The following TRIM35 variants were observed in gnomAD, a reference collection of about 807,000 sequenced individuals.
TRIM35 encodes tripartite motif containing 35.
TRIM35 carries 37 observed loss-of-function variants against 49.1 expected under a neutral mutation model. That is an observed-to-expected ratio of 0.75 (90% confidence interval 0.58 to 0.99). TRIM35 has a LOEUF of 0.99. Among genes scored for constraint, TRIM35 ranks in the 50% least tolerant of loss-of-function variants. The pLI is 0.00. For missense variants in TRIM35, 648 were observed against 702.7 expected, an observed-to-expected ratio of 0.92 and a Z score of 0.88; for synonymous variants, 302 against 289.3, an observed-to-expected ratio of 1.04 and a Z score of -0.45.
chr8:27,307,216 G>A (rs1802804428), intron 1 of TRIM35, among the ~76,000 whole-genome samples: 4 of 152,146 alleles, frequency 2.6e-5, no homozygotes, highest in South Asian at 2.1e-4. Flanking sequence ...CTGCACCTAC[G>A]ATAAAAATCC....
chr8:27,287,461 C>A lies in TRIM35; in HGVS notation c.*89G>T. 2 of 1,355,052 alleles carry A rather than the reference C, an allele frequency of 1.5e-6. No individual in the cohort carries two copies. Among genetic ancestry groups the A allele is most frequent in the South Asian group, 3.0e-5 (2 of 66,922 alleles). 83.9% of individuals were successfully genotyped at this position (1,355,052 alleles called of 1,614,324 possible). On this transcript the variant is annotated 3_prime_UTR_variant, in exon 6 of 6. Coordinates refer to ENST00000305364, the MANE Select transcript of TRIM35 (RefSeq NM_171982.5). This position sits in a 1 kb window ranked among gnomAD's most constrained non-coding sequence, Gnocchi z 6.0. ...GAAGAGCCTGGCAAGGAGGCAGGGG[C>A]GCAATAGTGCCCAAGCAGTGTGGGC...
chr8:27,307,186 A>C (rs1715795488), intron 1 of TRIM35, among the ~76,000 whole-genome samples: 1 of 152,072 alleles, frequency 6.6e-6, no homozygotes, highest in Admixed American at 6.6e-5. Context: ...AAATCTCATC[A>C]GTCCTTCCAT....
At chr8:27,297,213 C>T (rs528732966) in intron 2 of TRIM35, among the ~76,000 whole-genome samples, 5 of 152,336 alleles carry the variant, frequency 3.3e-5, no homozygotes, top group Middle Eastern at 3.4e-3. Flanking sequence ...CACCTATGGA[C>T]ACATGGTGGA....
rs1161468550 is a variant in TRIM35, at chr8:27,285,250, T to C, written c.*2300A>G. 2 of 152,216 alleles carry C rather than the reference T, an allele frequency of 1.3e-5. No individual in the cohort carries two copies. Among genetic ancestry groups the C allele is most frequent in the Non-Finnish European group, 2.9e-5 (2 of 68,046 alleles). 9.4% of individuals were successfully genotyped at this position (152,216 alleles called of 1,614,324 possible). ...GGATGTGGAGTCATCAGAACCCTCATGCCCTGTTGATGGGATATAAAATTG... is the reference window on the plus strand; with the variant it reads ...GGATGTGGAGTCATCAGAACCCTCACGCCCTGTTGATGGGATATAAAATTG... On this transcript the variant is annotated 3_prime_UTR_variant, in exon 6 of 6. Transcript: ENST00000305364.
At chr8:27,298,696 C>T in intron 1 of TRIM35, 137 bp from the exon 2 acceptor site, 2 of 701,392 alleles carry the variant, frequency 2.9e-6, no homozygotes, top group South Asian at 1.7e-5. Context: ...TAACCCCATC[C>T]ATGCCAAGTG....
Position 27,311,200 on chromosome 8 carries a change from G to A in TRIM35, c.36C>T (p.Ser12=). The change falls in exon 1 of 6, where the codon TCC becomes TCT. Residue 12 remains serine (S), a synonymous_variant. Transcript: ENST00000305364. ...ERSPDVSPGP[S]RSFKEELLCA... is the part of the protein sequence containing the mutation. ...AGAGCAACTCCTCCTTGAAGGAGCG[G>A]GAAGGCCCGGGGGACACGTCGGGAC... The A allele has an allele frequency of 3.1e-6, 5 of 1,595,346 alleles. No homozygotes were observed. The highest frequency in any genetic ancestry group is 3.4e-6 in the Non-Finnish European group (4 of 1,169,764).
Position 27,289,152 on chromosome 8 carries a change from C to T in TRIM35, c.904+10G>A. The T allele has an allele frequency of 6.2e-7, 1 of 1,611,604 alleles. No individual in the cohort carries two copies. The highest frequency in any genetic ancestry group is 8.5e-7 in the Non-Finnish European group (1 of 1,178,086). On this transcript the variant is annotated intron_variant, in intron 5 of 5. Transcript: ENST00000305364. ...CCATGCTTGGGACACCTGCCGGCACCCCCGCTCACCAGATTCCACAGATGC... is the reference window on the plus strand; with the variant it reads ...CCATGCTTGGGACACCTGCCGGCACTCCCGCTCACCAGATTCCACAGATGC...
intron 1 of TRIM35, chr8:27,304,955 G>C (rs892790022): frequency 2.7e-6 from 1 of 371,502 alleles, no homozygotes; most frequent in African/African-American, 2.1e-5. Context: ...GCAGCCAAGA[G>C]TTCTGGCACC....
At chr8:27,292,580 T>A (rs1350001460) in intron 3 of TRIM35, among the ~76,000 whole-genome samples, 1 of 152,248 alleles carries the variant, frequency 6.6e-6, no homozygotes, top group Non-Finnish European at 1.5e-5. Context: ...GCATTTGAAA[T>A]GTCTACAACA....
chr8:27,295,077 G>A (rs1288495296), intron 2 of TRIM35, among the ~76,000 whole-genome samples: 1 of 152,184 alleles, frequency 6.6e-6, no homozygotes, highest in Non-Finnish European at 1.5e-5. Flanking sequence ...GCCCGCCTCG[G>A]CCTCCCAAAG....
chr8:27,289,378 C>G, intron 4 of TRIM35, 98 bp from the exon 5 acceptor site: 1 of 980,958 alleles, frequency 1.0e-6, no homozygotes, highest in Non-Finnish European at 1.6e-6. Flanking sequence ...TGTTCCCTTC[C>G]CTCAGGCCCA....
rs147372571 is a variant in TRIM35 at position 27,287,666 on chromosome 8, G to A, written c.1366C>T (p.Arg456Cys). 3.6e-3 allele frequency: 5,779 copies of A among 1,609,902 alleles called. 24 individuals carry two copies. Among genetic ancestry groups the A allele is most frequent in the Non-Finnish European group, 3.4e-3 (4,043 of 1,178,344 alleles). Residue 456 changes from arginine (R) to cysteine (C), a missense_variant, in exon 6 of 6, where the codon CGC becomes TGC. Arg to Cys is a radical substitution (Grantham distance 180). Transcript: ENST00000305364. The surrounding 1 kb of genome is among the most constrained non-coding windows in gnomAD (Gnocchi z 6.0). Reference protein sequence around the residue: ...RHCHLYTFHARFGEVRPYFYL... With the variant: ...RHCHLYTFHACFGEVRPYFYL... Reference sequence around the variant, plus strand: ...AAGTAGGGGCGAACCTCCCCAAAGCGGGCGTGGAAGGTGTACAGGTGGCAG... The same window carrying A: ...AAGTAGGGGCGAACCTCCCCAAAGCAGGCGTGGAAGGTGTACAGGTGGCAG...
In TRIM35 at chr8:27,311,020, G is replaced by T; in HGVS notation, c.216C>A (p.Asn72Lys). The T allele has an allele frequency of 6.2e-7, 1 of 1,609,828 alleles. No homozygotes were observed. Among genetic ancestry groups the T allele is most frequent in the Non-Finnish European group, 8.5e-7 (1 of 1,178,376 alleles). ...TCTCCACCAGGTTGTTGAGGGTGTG[G>T]TTGGTGCGCAGGTCGGCGGGTGACG... ...DRASPADLRT[N>K]HTLNNLVEKL... is the part of the protein sequence containing the mutation. Residue 72 changes from asparagine (N) to lysine (K), a missense_variant, in exon 1 of 6, where the codon AAC becomes AAA. Transcript: ENST00000305364.
At position 27,284,962 on chromosome 8, in the gene TRIM35, C is replaced by T. The variant is rs758908513; in HGVS notation, c.*2588G>A. The T allele has an allele frequency of 4.6e-5, 7 of 152,150 alleles. No individual in the cohort carries two copies. The highest frequency in any genetic ancestry group is 1.7e-4 in the African/African-American group (7 of 41,428). The allele number at this position is 152,150 out of a possible 1,614,324, so 9.4% of individuals were successfully genotyped here. On this transcript the variant is annotated 3_prime_UTR_variant, in exon 6 of 6. Coordinates refer to ENST00000305364, the MANE Select transcript of TRIM35 (RefSeq NM_171982.5). ...AGCTCACGGAGAAAAATTTTATAATCATATACCAGTTAAAGGGACTTGTGC... is the reference window on the plus strand; with the variant it reads ...AGCTCACGGAGAAAAATTTTATAATTATATACCAGTTAAAGGGACTTGTGC...
chr8:27,293,968 G>T, intron 3 of TRIM35, 112 bp downstream of exon 3: 1 of 1,030,672 alleles, frequency 9.7e-7, no homozygotes, highest in Non-Finnish European at 1.4e-6. Context: ...CTCCAGGCCA[G>T]TACCCAGGAA....
chr8:27,311,026 G>A lies in TRIM35; in HGVS notation c.210C>T (p.Arg70=), dbSNP rs1273547264. 7.5e-6 allele frequency: 12 copies of A among 1,606,958 alleles called. No individual in the cohort carries two copies. Among genetic ancestry groups the A allele is most frequent in the Non-Finnish European group, 1.0e-5 (12 of 1,177,150 alleles). ...CKDRASPADL[R]TNHTLNNLVE... ...CCAGGTTGTTGAGGGTGTGGTTGGT[G>A]CGCAGGTCGGCGGGTGACGCGCGGT... Residue 70 remains arginine (R), a synonymous_variant, in exon 1 of 6, where the codon CGC becomes CGT. Transcript: ENST00000305364.
At chr8:27,293,560 G>A (rs1390821204) in intron 3 of TRIM35, among the ~76,000 whole-genome samples, 3 of 152,040 alleles carry the variant, frequency 2.0e-5, no homozygotes, top group Admixed American at 2.0e-4. Context: ...GAAGAGACAG[G>A]AGCTGGGCAC....
rs1802324125 is a variant in TRIM35 at position 27,286,553 on chromosome 8, G to A, written c.*997C>T. ...CATTTCCTGGTGGGGAAACAGGCCTGGCAAGGAAATAGGCCGAAATCACGA... is the reference window on the plus strand; with the variant it reads ...CATTTCCTGGTGGGGAAACAGGCCTAGCAAGGAAATAGGCCGAAATCACGA... On this transcript the variant is annotated 3_prime_UTR_variant, in exon 6 of 6. Coordinates refer to ENST00000305364, the MANE Select transcript of TRIM35 (RefSeq NM_171982.5). 1 of 200,930 alleles carries A rather than the reference G, an allele frequency of 5.0e-6. No individual in the cohort carries two copies. Among genetic ancestry groups the A allele is most frequent in the Admixed American group, 5.5e-5 (1 of 18,218 alleles). The allele number at this position is 200,930 out of a possible 1,614,324, so 12.4% of individuals were successfully genotyped here.
chr8:27,287,854 C>G lies in TRIM35; in HGVS notation c.1178G>C (p.Arg393Pro), dbSNP rs777582053. 1 of 1,612,864 alleles carries G rather than the reference C, an allele frequency of 6.2e-7. No individual in the cohort carries two copies. Among genetic ancestry groups the G allele is most frequent in the African/African-American group, 1.3e-5 (1 of 74,912 alleles). ...GCGGCAGACATACCAGAAGCCCGAG[C>G]GTGTGTCGTGGTAGCAGCTGTGTGA... Reference protein sequence around the residue: ...GHSHSCYHDTRSGFWYVCRTQ... With the variant: ...GHSHSCYHDTPSGFWYVCRTQ... The change falls in exon 6 of 6, where the codon CGC becomes CCC. Residue 393 changes from arginine to proline, a missense_variant. Physicochemically the swap from Arg to Pro is moderately radical, Grantham distance 103. Coordinates refer to ENST00000305364, the MANE Select transcript of TRIM35 (RefSeq NM_171982.5). The surrounding 1 kb of genome is among the most constrained non-coding windows in gnomAD (Gnocchi z 6.0).
Sources: allele counts gnomAD v4.1 joint callset (sites outside exome capture counted in the v4.1 genomes callset), GRCh38; gene constraint gnomAD v4.1.1; non-coding constraint Gnocchi (gnomAD v3.1); transcripts MANE v1.5; gene names NCBI Gene and HGNC (gene_info 2026-07-23, HGNC 2026-07-21).